CAMK4: variants seen among roughly 807,000 people sequenced by gnomAD.
CAMK4 encodes calcium/calmodulin dependent protein kinase IV.
A neutral mutation model predicts 44.9 loss-of-function variants in CAMK4; 22 were observed. That is an observed-to-expected ratio of 0.49 (90% CI 0.35 to 0.70). CAMK4 has a LOEUF of 0.70. CAMK4 is among the 30% of genes least tolerant of loss of function. The probability of loss-of-function intolerance (pLI) is 0.01; values close to 1 mark genes in which losing one functional copy is unlikely to be tolerated. For missense variants in CAMK4, 498 were observed against 586.8 expected (o/e 0.85, Z 1.56); for synonymous variants, 218 against 215.4 (o/e 1.01, Z -0.11).
chr5:111,263,658 A>G (rs905869854), intron 1 of CAMK4, among the ~76,000 whole-genome samples: 4 of 152,182 alleles, frequency 2.6e-5, no homozygotes, highest in African/African-American at 9.7e-5. Flanking sequence ...AAAAATGTAA[A>G]CCAGTCCAAA....
chr5:111,226,211 C>T (rs1227763924), intron 1 of CAMK4, among the ~76,000 whole-genome samples: 1 of 152,132 alleles, frequency 6.6e-6, no homozygotes, highest in Non-Finnish European at 1.5e-5. Flanking sequence ...CACACGTTGT[C>T]TTTATGAATA....
At chr5:111,381,893 G>A (rs1751430356) in intron 4 of CAMK4, among the ~76,000 whole-genome samples, 1 of 151,014 alleles carries the variant, frequency 6.6e-6, no homozygotes, top group African/African-American at 2.4e-5. Context: ...GAGCAAGCAG[G>A]GTGAAAAGCA....
intron 1 of CAMK4, among the ~76,000 whole-genome samples, chr5:111,233,502 G>A (rs999507270): frequency 2.6e-5 from 4 of 152,248 alleles, no homozygotes; most frequent in African/African-American, 4.8e-5. Flanking sequence ...TTCGAAGGGC[G>A]TGAAAGTTAA....
At chr5:111,450,972 G>A (rs1040235471) in intron 7 of CAMK4, among the ~76,000 whole-genome samples, 60 of 152,172 alleles carry the variant, frequency 3.9e-4, no homozygotes, top group African/African-American at 1.4e-3. Context: ...AGACAAAGAA[G>A]TACTACAAAA....
chr5:111,262,600 C>T, intron 1 of CAMK4, among the ~76,000 whole-genome samples: 1 of 152,090 alleles, frequency 6.6e-6, no homozygotes, highest in East Asian at 1.9e-4. Context: ...GATTTTATGG[C>T]CATCTTTTCC....
intron 1 of CAMK4, among the ~76,000 whole-genome samples, chr5:111,242,658 A>G (rs1447889287): frequency 1.3e-5 from 2 of 152,104 alleles, no homozygotes; most frequent in African/African-American, 4.8e-5. Flanking sequence ...CCTTTGCATG[A>G]ACAGCAGGTC....
intron 1 of CAMK4, among the ~76,000 whole-genome samples, chr5:111,228,502 A>G (rs1748303518): frequency 8.3e-6 from 1 of 119,818 alleles, no homozygotes; most frequent in South Asian, 2.6e-4. Context: ...AGATTTCCAT[A>G]GTAAGGGGTG....
intron 5 of CAMK4, among the ~76,000 whole-genome samples, chr5:111,413,346 A>T (rs372615955): frequency 2.0e-5 from 3 of 152,262 alleles, no homozygotes; most frequent in East Asian, 3.9e-4. Flanking sequence ...TGGGAGGCTG[A>T]GGCAGGCAGA....
intron 7 of CAMK4, among the ~76,000 whole-genome samples, chr5:111,471,306 G>A (rs984283607): frequency 3.9e-4 from 60 of 152,314 alleles, no homozygotes; most frequent in African/African-American, 1.3e-3. Context: ...GCTCTTGCCA[G>A]TCCTCTTCAA....
At position 111,439,904 on chromosome 5, in the gene CAMK4, C is replaced by G. The variant is rs535466759; in HGVS notation, c.460-6782C>G. On this transcript the variant is annotated intron_variant, in intron 5 of 10. Transcript: ENST00000282356. ...GAGACTAGCCAATGTAGTCAGATGT[C>G]TTTGGGTTGAGAAAAATGAGTCAGA... Among the ~76,000 whole-genome samples, 119 of 152,190 alleles carry G rather than the reference C, an allele frequency of 7.8e-4. 1 individual carries two copies. The highest frequency in any genetic ancestry group is 2.6e-3 in the African/African-American group (109 of 41,520).
chr5:111,323,136 A>G (rs1593864), intron 1 of CAMK4, among the ~76,000 whole-genome samples: 83,973 of 151,816 alleles, frequency 0.55, 23,580 homozygotes, highest in South Asian at 0.68. Flanking sequence ...AACATTACAG[A>G]TTCAAGAGGC....
intron 5 of CAMK4, among the ~76,000 whole-genome samples, chr5:111,424,434 C>CTTTTTTTTTT (rs34618322): frequency 4.6e-5 from 3 of 64,908 alleles, no homozygotes; most frequent in Non-Finnish European, 8.0e-5. Context: ...ATCTTCTATT[C>CTTTTTTTTTT]TTTTTTTTTT....
At chr5:111,370,651 A>G (rs1750968078) in intron 2 of CAMK4, among the ~76,000 whole-genome samples, 3 of 152,112 alleles carry the variant, frequency 2.0e-5, no homozygotes, top group Admixed American at 2.0e-4. Flanking sequence ...TGACCTGAAG[A>G]GAAGATGGTG....
intron 1 of CAMK4, among the ~76,000 whole-genome samples, chr5:111,284,479 T>C (rs1751155701): frequency 1.3e-5 from 2 of 152,216 alleles, no homozygotes; most frequent in South Asian, 4.1e-4. Flanking sequence ...TGCTAACCTT[T>C]GAGGGCTGAC....
chr5:111,308,323 A>G (rs1003066550), intron 1 of CAMK4, among the ~76,000 whole-genome samples: 3 of 152,240 alleles, frequency 2.0e-5, no homozygotes, highest in African/African-American at 7.2e-5. Context: ...CTAATAAAAT[A>G]TGAGCAAGCT....
At chr5:111,286,282 G>A (rs1057216608) in intron 1 of CAMK4, among the ~76,000 whole-genome samples, 2 of 152,146 alleles carry the variant, frequency 1.3e-5, no homozygotes, top group African/African-American at 4.8e-5. Context: ...TACAGAGAGA[G>A]TAAACCTTTG....
chr5:111,440,262 C>T (rs184487913), intron 5 of CAMK4, among the ~76,000 whole-genome samples: 1 of 152,264 alleles, frequency 6.6e-6, no homozygotes, highest in Non-Finnish European at 1.5e-5. Context: ...GAGATCCAAG[C>T]AGCACTAAGG....
chr5:111,408,905 T>G lies in CAMK4; in HGVS notation c.459+14123T>G, dbSNP rs982321782. 3.3e-5 allele frequency among the ~76,000 whole-genome samples: 5 copies of G among 152,318 alleles called. No individual in the cohort carries two copies. In the South Asian group the frequency reaches 8.3e-4, roughly 25 times the overall value. ...AAATGATCTCCTTTGACTCCTTGTCTCACCTCCAGATCATGCTGATGCAAG... is the reference window on the plus strand; with the variant it reads ...AAATGATCTCCTTTGACTCCTTGTCGCACCTCCAGATCATGCTGATGCAAG... On this transcript the variant is annotated intron_variant, in intron 5 of 10. Coordinates refer to ENST00000282356, the MANE Select transcript of CAMK4 (RefSeq NM_001744.6).
Position 111,369,622 on chromosome 5 carries a change from A to G in CAMK4, c.241-5228A>G, listed in dbSNP as rs761413020. ...TGATTCTCACAAAGTTTTGCATTCA[A>G]TTGTTGCCATTTGTTGTTTTGTTTG... On this transcript the variant is annotated intron_variant, in intron 2 of 10. Transcript: ENST00000282356. Among the ~76,000 whole-genome samples the G allele has an allele frequency of 2.6e-5, 4 of 152,098 alleles. No individual in the cohort carries two copies. The South Asian group carries it at 6.2e-4, about 24-fold the overall frequency.
Sources: gnomAD v4.1 joint callset for allele counts (sites outside exome capture counted in the v4.1 genomes callset) on GRCh38, gnomAD v4.1.1 for gene constraint, MANE v1.5 for transcripts, NCBI Gene and HGNC (gene_info 2026-07-23, HGNC 2026-07-21) for gene names.